Variants in AP3B1 observed in about 807,000 individuals in gnomAD.
The protein encoded by AP3B1 is adaptor related protein complex 3 subunit beta 1.
AP3B1 carries 61 observed loss-of-function variants against 132.5 expected under a neutral mutation model. That is an observed-to-expected ratio of 0.46 (90% confidence interval 0.37 to 0.57). AP3B1 has a LOEUF of 0.57. Among genes scored for constraint, AP3B1 ranks in the 20% least tolerant of loss-of-function variants. The probability of loss-of-function intolerance (pLI) is 0.00; values close to 1 mark genes in which losing one functional copy is unlikely to be tolerated. For missense variants in AP3B1, 1,120 were observed against 1,289.4 expected (o/e 0.87, Z 2.01); for synonymous variants, 388 against 438.3 (o/e 0.89, Z 1.43).
intron 2 of AP3B1, among the ~76,000 whole-genome samples, chr5:78,253,215 C>T (rs181099146): frequency 2.0e-5 from 3 of 152,298 alleles, no homozygotes; most frequent in Admixed American, 2.0e-4. Flanking sequence ...ATCACAACAC[C>T]CACGTTCTTT....
Position 78,011,788 on chromosome 5 carries a change from A to C in AP3B1, c.3131+3622T>G, listed in dbSNP as rs574561633. On this transcript the variant is annotated intron_variant, in intron 26 of 26. Coordinates refer to ENST00000255194, the MANE Select transcript of AP3B1 (RefSeq NM_003664.5). ...CCTGGCATTTAATGTAAAAATGTAT[A>C]AAATTTGAAGAGTAGTAGAAATAAA... is the stretch of plus-strand genomic sequence containing the variant. 2.0e-5 allele frequency among the ~76,000 whole-genome samples: 3 copies of C among 152,336 alleles called. No homozygotes were observed. In the South Asian group the frequency reaches 6.2e-4, roughly 32 times the overall value.
At chr5:78,055,503 G>T (rs1308659754) in intron 22 of AP3B1, among the ~76,000 whole-genome samples, 1 of 152,166 alleles carries the variant, frequency 6.6e-6, no homozygotes, top group Non-Finnish European at 1.5e-5. Flanking sequence ...ACAGTGTGTT[G>T]CTGGTGAAAG....
chr5:78,095,607 C>G (rs1466294599), intron 21 of AP3B1, among the ~76,000 whole-genome samples: 1 of 152,164 alleles, frequency 6.6e-6, no homozygotes, highest in Non-Finnish European at 1.5e-5. Context: ...TCATCTCCCT[C>G]TCTGTTTCTT....
chr5:78,132,944 T>A (rs571825841), intron 15 of AP3B1, among the ~76,000 whole-genome samples: 1 of 152,336 alleles, frequency 6.6e-6, no homozygotes, highest in South Asian at 2.1e-4. Flanking sequence ...AACTTTAGAC[T>A]TACACTATAC....
At chr5:78,164,592 G>A (rs1743530842) in intron 12 of AP3B1, among the ~76,000 whole-genome samples, 1 of 152,034 alleles carries the variant, frequency 6.6e-6, no homozygotes, top group African/African-American at 2.4e-5. Flanking sequence ...TCAGATTCAA[G>A]CAATGATCTG....
At chr5:78,163,640 C>T (rs145760064) in intron 12 of AP3B1, among the ~76,000 whole-genome samples, 3,149 of 142,588 alleles carry the variant, frequency 0.022, 55 homozygotes, top group Non-Finnish European at 0.037. Flanking sequence ...ATATAGTATA[C>T]ATATATATAT....
At chr5:78,164,696 A>G (rs556950906) in intron 12 of AP3B1, among the ~76,000 whole-genome samples, 59 of 152,292 alleles carry the variant, frequency 3.9e-4, no homozygotes, top group Non-Finnish European at 3.5e-4. Context: ...TACACAACAT[A>G]AAAGTGGAGT....
intron 22 of AP3B1, among the ~76,000 whole-genome samples, chr5:78,081,247 T>G (rs1341569117): frequency 6.6e-6 from 1 of 151,918 alleles, no homozygotes. Flanking sequence ...GAGACATACT[T>G]GGATGCAAGA....
chr5:78,192,006 A>G (rs1199812324), intron 7 of AP3B1, among the ~76,000 whole-genome samples: 2 of 151,920 alleles, frequency 1.3e-5, no homozygotes, highest in South Asian at 2.1e-4. Flanking sequence ...GGTTACAGGC[A>G]TGCACCACCA....
intron 22 of AP3B1, among the ~76,000 whole-genome samples, chr5:78,059,883 G>C (rs372618365): frequency 5.9e-5 from 9 of 152,096 alleles, no homozygotes; most frequent in African/African-American, 1.9e-4. Context: ...TACACATAAA[G>C]AAGCATTTTG....
chr5:78,237,364 C>T (rs1480659957), intron 3 of AP3B1, among the ~76,000 whole-genome samples: 2 of 151,416 alleles, frequency 1.3e-5, no homozygotes, highest in South Asian at 2.1e-4. Context: ...AGTAGTGGCA[C>T]GCACCTGTGG....
chr5:78,273,396 A>C (rs1226429103), intron 1 of AP3B1, among the ~76,000 whole-genome samples: 1 of 152,114 alleles, frequency 6.6e-6, no homozygotes, highest in Non-Finnish European at 1.5e-5. Flanking sequence ...GTAAGAACCT[A>C]TCTCTCTCAA....
At chr5:78,047,622 A>G (rs1425889619) in intron 22 of AP3B1, among the ~76,000 whole-genome samples, 1 of 152,098 alleles carries the variant, frequency 6.6e-6, no homozygotes, top group Admixed American at 6.6e-5. Context: ...AGATGGATTG[A>G]TTGCAAAATT....
intron 26 of AP3B1, among the ~76,000 whole-genome samples, chr5:78,007,255 CA>C: frequency 6.6e-6 from 1 of 152,182 alleles, no homozygotes; most frequent in Admixed American, 6.5e-5. Flanking sequence ...TAGTCACAAA[CA>C]TAACATTTTT....
At chr5:78,093,918 G>A (rs973418282) in intron 21 of AP3B1, among the ~76,000 whole-genome samples, 1 of 152,230 alleles carries the variant, frequency 6.6e-6, no homozygotes, top group Non-Finnish European at 1.5e-5. Flanking sequence ...TAACAGAGCT[G>A]GGATTGAAAC....
chr5:78,089,590 T>C, intron 21 of AP3B1, 91 bp from the exon 22 acceptor site: 3 of 823,218 alleles, frequency 3.6e-6, no homozygotes, highest in Non-Finnish European at 6.2e-6. Context: ...TAAATCTAAT[T>C]AAATTACTTT....
intron 1 of AP3B1, among the ~76,000 whole-genome samples, chr5:78,293,363 A>C (rs1423159647): frequency 6.6e-6 from 1 of 152,226 alleles, no homozygotes; most frequent in African/African-American, 2.4e-5. Context: ...ATATAATGAA[A>C]AATGAAATCA....
At chr5:78,209,019 C>A (rs1439503447) in intron 7 of AP3B1, among the ~76,000 whole-genome samples, 8 of 151,858 alleles carry the variant, frequency 5.3e-5, no homozygotes, top group Non-Finnish European at 1.2e-4. Context: ...AATAGGAAGT[C>A]AATACATAAT....
chr5:78,035,152 T>C (rs916517351), intron 23 of AP3B1, among the ~76,000 whole-genome samples: 1 of 151,938 alleles, frequency 6.6e-6, no homozygotes, highest in Admixed American at 6.6e-5. Context: ...TACAATACAG[T>C]ATTTTTTTTC....
Sources: allele counts gnomAD v4.1 joint callset (sites outside exome capture counted in the v4.1 genomes callset), GRCh38; gene constraint gnomAD v4.1.1; transcripts MANE v1.5; gene names NCBI Gene and HGNC (gene_info 2026-07-23, HGNC 2026-07-21).